Variants in HSPA4L observed in about 807,000 individuals in gnomAD.
HSPA4L encodes heat shock protein family A (Hsp70) member 4 like, also known as heat shock 70 kDa protein 4L.
In HSPA4L, 48 loss-of-function variants were observed where a neutral mutation model predicts 100.3. The ratio of observed to expected loss-of-function variants is 0.48; its 90% CI spans 0.38 to 0.61. HSPA4L has a LOEUF of 0.61. Ranked by LOEUF, HSPA4L falls within the 20% of genes least tolerant of loss-of-function variation. The pLI is 0.00. For missense variants in HSPA4L, 886 were observed against 988.6 expected, an observed-to-expected ratio of 0.90 and a Z score of 1.39; for synonymous variants, 319 against 328.2, an observed-to-expected ratio of 0.97 and a Z score of 0.30.
At chr4:127,820,141 C>T (rs1014770059) in intron 13 of HSPA4L, among the ~76,000 whole-genome samples, 12 of 152,132 alleles carry the variant, frequency 7.9e-5, no homozygotes, top group African/African-American at 2.9e-4. Context: ...TGCAGTTTCC[C>T]CACATCCTCA....
At chr4:127,810,094 A>G (rs1297388798) in intron 11 of HSPA4L, among the ~76,000 whole-genome samples, 3 of 152,202 alleles carry the variant, frequency 2.0e-5, no homozygotes, top group Non-Finnish European at 4.4e-5. Context: ...ACCATCTTCT[A>G]TAAACATCAT....
intron 2 of HSPA4L, among the ~76,000 whole-genome samples, chr4:127,794,730 T>C (rs1732972852): frequency 1.3e-5 from 2 of 152,116 alleles, no homozygotes; most frequent in Admixed American, 1.3e-4. Context: ...ATATCTCATA[T>C]TCTGGCTGAC....
Position 127,837,367 on chromosome 4 carries a change from G to A in HSPA4L, c.*4493G>A, listed in dbSNP as rs897401925. On this transcript the variant is annotated 3_prime_UTR_variant, in exon 19 of 19. Transcript: ENST00000296464. ...GTATAAACTGTTAATGAGAGGCACA[G>A]CTAATTGTACATATCAATATACATT... 1.5e-4 allele frequency: 23 copies of A among 152,232 alleles called. No individual in the cohort carries two copies. Among genetic ancestry groups the A allele is most frequent in the African/African-American group, 5.5e-4 (23 of 41,462 alleles). 9.4% of individuals were successfully genotyped at this position (152,232 alleles called of 1,614,324 possible). A position where few individuals can be genotyped will look rare whatever the true frequency, so the allele number is the denominator to read the frequency against.
At chr4:127,784,782 G>A (rs192082171) in intron 1 of HSPA4L, among the ~76,000 whole-genome samples, 2 of 152,310 alleles carry the variant, frequency 1.3e-5, no homozygotes, top group African/African-American at 4.8e-5. Flanking sequence ...ATTCAACACC[G>A]ATCATGCAAA....
At chr4:127,811,662 T>A in intron 12 of HSPA4L, 26 bp downstream of exon 12, 1 of 1,507,102 alleles carries the variant, frequency 6.6e-7, no homozygotes, top group Middle Eastern at 1.7e-4. Context: ...TTCTCAATGT[T>A]CTTGTAATAG....
intron 16 of HSPA4L, among the ~76,000 whole-genome samples, chr4:127,825,009 G>A (rs1451602893): frequency 6.6e-6 from 1 of 151,894 alleles, no homozygotes. Context: ...GCGTGGTGGC[G>A]GGCACCTGTA....
At chr4:127,827,226 T>A (rs1023969153) in intron 16 of HSPA4L, 79 bp from the exon 17 acceptor site, 2 of 1,144,394 alleles carry the variant, frequency 1.7e-6, no homozygotes, top group Middle Eastern at 2.8e-4. Context: ...TTCCTATTTA[T>A]CATCCTATAA....
At position 127,805,679 on chromosome 4, in the gene HSPA4L, A is replaced by AT. The variant is rs1733334003; in HGVS notation, c.1138-4dup. ...TTGATTTAAATATGGTATACATCTTATTTTCAGTGTGCGATTCTCTCACCA... is the reference window on the plus strand; with the variant it reads ...TTGATTTAAATATGGTATACATCTTATTTTTCAGTGTGCGATTCTCTCACCA... On this transcript the variant is annotated splice_region_variant and splice_polypyrimidine_tract_variant and intron_variant, in intron 9 of 18. Coordinates refer to ENST00000296464, the MANE Select transcript of HSPA4L (RefSeq NM_014278.4). 1 of 1,598,118 alleles carries AT rather than the reference A, an allele frequency of 6.3e-7. No individual in the cohort carries two copies. The highest frequency in any genetic ancestry group is 1.7e-5 in the Admixed American group (1 of 59,854).
In HSPA4L at chr4:127,822,840, A is replaced by G. The variant is rs890528949; in HGVS notation, c.1884A>G (p.Val628=). ...NDAKNAVEEY[V]YDFRDRLGTV... is the part of the protein sequence containing the mutation. ...CTAAGAATGCCGTTGAAGAATATGT[A>G]TATGATTTTAGAGACAGGCTGGGCA... Residue 628 remains valine (V), a synonymous_variant, in exon 15 of 19, where the codon GTA becomes GTG. Transcript: ENST00000296464. The G allele has an allele frequency of 1.9e-6, 3 of 1,613,542 alleles. No homozygotes were observed. Among genetic ancestry groups the G allele is most frequent in the Admixed American group, 1.7e-5 (1 of 60,012 alleles).
chr4:127,801,264 C>G (rs759415550), intron 5 of HSPA4L, 27 bp downstream of exon 5: 1 of 1,473,342 alleles, frequency 6.8e-7, no homozygotes, highest in South Asian at 1.2e-5. Context: ...TTGAAAATCA[C>G]TATAAGCAAA....
intron 13 of HSPA4L, among the ~76,000 whole-genome samples, chr4:127,819,877 T>TAGAC (rs1358739973): frequency 6.6e-6 from 1 of 152,196 alleles, no homozygotes; most frequent in Admixed American, 6.5e-5. Flanking sequence ...TATCAGTTGA[T>TAGAC]AGACATTTGG....
intron 10 of HSPA4L, among the ~76,000 whole-genome samples, chr4:127,806,288 T>A (rs374070593): frequency 4.7e-4 from 72 of 152,140 alleles, no homozygotes; most frequent in Middle Eastern, 3.4e-3. Context: ...CCATAATAAA[T>A]TTAACCAATA....
intron 1 of HSPA4L, among the ~76,000 whole-genome samples, chr4:127,786,741 A>G (rs1280143656): frequency 6.6e-6 from 1 of 152,260 alleles, no homozygotes; most frequent in Non-Finnish European, 1.5e-5. Context: ...TGCTGGGATT[A>G]TAGGCGTGAA....
intron 18 of HSPA4L, among the ~76,000 whole-genome samples, chr4:127,831,810 T>C (rs1190550529): frequency 6.6e-6 from 1 of 152,016 alleles, no homozygotes; most frequent in Non-Finnish European, 1.5e-5. Flanking sequence ...TTTCAGGGGA[T>C]TTTTAAAATA....
rs1734339875 is a variant in HSPA4L at position 127,840,409 on chromosome 4, T to TAATC, written c.*7538_*7541dup. On this transcript the variant is annotated 3_prime_UTR_variant, in exon 19 of 19. Coordinates refer to ENST00000296464, the MANE Select transcript of HSPA4L (RefSeq NM_014278.4). ...GCAACCACTGAAATGCAGAAAATGG[T>TAATC]AATCAAGTGTGATGTTTCTATAAAA... The TAATC allele has an allele frequency of 6.6e-6, 1 of 152,230 alleles. No individual in the cohort carries two copies. The highest frequency in any genetic ancestry group is 1.5e-5 in the Non-Finnish European group (1 of 68,044). The allele number at this position is 152,230 out of a possible 1,614,324, so 9.4% of individuals were successfully genotyped here.
intron 2 of HSPA4L, among the ~76,000 whole-genome samples, chr4:127,795,248 G>C (rs1018464174): frequency 6.6e-6 from 1 of 152,116 alleles, no homozygotes; most frequent in Non-Finnish European, 1.5e-5. Context: ...GAAGTATTCA[G>C]ATTCTGTATT....
chr4:127,797,726 C>A (rs903792047), intron 3 of HSPA4L, among the ~76,000 whole-genome samples: 2 of 151,838 alleles, frequency 1.3e-5, no homozygotes, highest in African/African-American at 4.8e-5. Flanking sequence ...CTCAACCTCC[C>A]AAGTAGCTGG....
In HSPA4L at chr4:127,802,837, A is replaced by G. The variant is rs531015377; in HGVS notation, c.664-792A>G. 1.1e-3 allele frequency among the ~76,000 whole-genome samples: 170 copies of G among 152,318 alleles called. 2 individuals carry two copies. The highest frequency in any genetic ancestry group is 8.2e-4 in the Non-Finnish European group (56 of 68,032). On this transcript the variant is annotated intron_variant, in intron 6 of 18. Coordinates refer to ENST00000296464, the MANE Select transcript of HSPA4L (RefSeq NM_014278.4). ...TAGTCTGTGGGGCGACATTCCACGC[A>G]GATTGTACTCATATCCTCCTGTGAT...
At position 127,818,370 on chromosome 4, in the gene HSPA4L, G is replaced by A. The variant is rs1176263647; in HGVS notation, c.1624G>A (p.Ala542Thr). 8.1e-6 allele frequency: 13 copies of A among 1,612,606 alleles called. No individual in the cohort carries two copies. The highest frequency in any genetic ancestry group is 6.7e-5 in the East Asian group (3 of 44,794). ...AGAAGAAGGGCATCAAAAATGTCATGCTGAACACACTCCAGAAGAGGAAAT... is the reference window on the plus strand; with the variant it reads ...AGAAGAAGGGCATCAAAAATGTCATACTGAACACACTCCAGAAGAGGAAAT... ...DQEEGHQKCH[A>T]EHTPEEEIDH... Residue 542 changes from alanine (A) to threonine (T), a missense_variant, in exon 13 of 19, where the codon GCT becomes ACT. Physicochemically the swap from Ala to Thr is moderately conservative, Grantham distance 58. Transcript: ENST00000296464.
Sources: gnomAD v4.1 joint callset for allele counts (sites outside exome capture counted in the v4.1 genomes callset) on GRCh38, gnomAD v4.1.1 for gene constraint, MANE v1.5 for transcripts, NCBI Gene and HGNC (gene_info 2026-07-23, HGNC 2026-07-21) for gene names.